The following NOP58 variants were observed in gnomAD, a reference collection of about 807,000 sequenced individuals.
NOP58 encodes the protein nucleolar protein 58.
NOP58 carries 44 observed loss-of-function variants against 71.2 expected under a neutral mutation model. That is an observed-to-expected ratio of 0.62 (90% CI 0.49 to 0.79). The LOEUF (loss-of-function observed/expected upper bound fraction) is 0.79. Ranked by LOEUF, NOP58 falls within the 30% of genes least tolerant of loss-of-function variation. The pLI is 0.00. For synonymous variants in NOP58, 228 were observed against 200.3 expected, an observed-to-expected ratio of 1.14 and a Z score of -1.17; for missense variants, 538 against 620.2, an observed-to-expected ratio of 0.87 and a Z score of 1.41.
rs534604222 is a variant in NOP58, at chr2:202,296,984, C to T, written c.1072-395C>T. Among the ~76,000 whole-genome samples the T allele has an allele frequency of 3.9e-5, 6 of 152,276 alleles. No homozygotes were observed. The South Asian group carries it at 1.2e-3, about 32-fold the overall frequency. ...TCCTGACCTCGTGATCCACTCGCCTCGGCCTCCCAAAGTGCTGGGATTACA... is the reference window on the plus strand; with the variant it reads ...TCCTGACCTCGTGATCCACTCGCCTTGGCCTCCCAAAGTGCTGGGATTACA... On this transcript the variant is annotated intron_variant, in intron 10 of 14. Coordinates refer to ENST00000264279, the MANE Select transcript of NOP58 (RefSeq NM_015934.5).
chr2:202,291,001 A>T (rs1252242452), intron 7 of NOP58, 124 bp from the exon 8 acceptor site: 2 of 825,322 alleles, frequency 2.4e-6, no homozygotes, highest in Non-Finnish European at 1.8e-6. Context: ...AAACTTCTTC[A>T]TTTTTTTTGT....
At chr2:202,294,684 G>T (rs752960453) in intron 9 of NOP58, among the ~76,000 whole-genome samples, 1 of 152,142 alleles carries the variant, frequency 6.6e-6, no homozygotes, top group Non-Finnish European at 1.5e-5. Flanking sequence ...TGCCAGCAGG[G>T]CCGGGTGTGG....
At chr2:202,268,325 G>C (rs768070121) in intron 1 of NOP58, among the ~76,000 whole-genome samples, 3 of 151,962 alleles carry the variant, frequency 2.0e-5, no homozygotes, top group Non-Finnish European at 4.4e-5. Flanking sequence ...ACAAGGTCAG[G>C]AGTTTGAGAC....
At chr2:202,278,066 T>C (rs1688636714) in intron 3 of NOP58, 64 bp downstream of exon 3, 1 of 1,011,094 alleles carries the variant, frequency 9.9e-7, no homozygotes. Context: ...TTGTTTTTCT[T>C]GTTTAAAAGG....
At chr2:202,291,044 C>T (rs1574385427) in intron 7 of NOP58, 81 bp from the exon 8 acceptor site, 1 of 1,292,396 alleles carries the variant, frequency 7.7e-7, no homozygotes, top group Non-Finnish European at 1.0e-6. Context: ...TGGCTTTCTA[C>T]TTTTTCTTTT....
chr2:202,299,249 C>T (rs879359518), intron 12 of NOP58, among the ~76,000 whole-genome samples: 17 of 152,096 alleles, frequency 1.1e-4, no homozygotes, highest in Non-Finnish European at 2.1e-4. Flanking sequence ...TGAGCCACAG[C>T]ACCCGGCCTC....
chr2:202,270,250 G>T (rs1341891357), intron 1 of NOP58, among the ~76,000 whole-genome samples: 1 of 152,180 alleles, frequency 6.6e-6, no homozygotes, highest in African/African-American at 2.4e-5. Flanking sequence ...GAAGTTTCAT[G>T]TAAGTGGAGT....
chr2:202,278,754 G>C (rs1370039922), intron 3 of NOP58, among the ~76,000 whole-genome samples: 1 of 152,180 alleles, frequency 6.6e-6, no homozygotes, highest in South Asian at 2.1e-4. Context: ...ATGAAGGACC[G>C]TGAGGAAGAA....
chr2:202,266,541 C>T (rs1487970093), intron 1 of NOP58, among the ~76,000 whole-genome samples: 2 of 152,130 alleles, frequency 1.3e-5, no homozygotes, highest in African/African-American at 4.8e-5. Flanking sequence ...GTCTTGAACT[C>T]CTGACCTCAA....
intron 8 of NOP58, chr2:202,291,511 A>C: frequency 3.4e-6 from 1 of 295,220 alleles, no homozygotes; most frequent in Non-Finnish European, 6.3e-6. Flanking sequence ...AAAATCAATT[A>C]AGATGGCAGA....
At chr2:202,302,789 TATAAA>T in intron 13 of NOP58, 127 bp from the exon 14 acceptor site, 1 of 1,281,078 alleles carries the variant, frequency 7.8e-7, no homozygotes, top group Non-Finnish European at 1.1e-6. Context: ...CCTTCCCAAT[TATAAA>T]ATAAACAAAA....
chr2:202,281,707 A>G (rs1413949914), intron 3 of NOP58, among the ~76,000 whole-genome samples: 1 of 152,230 alleles, frequency 6.6e-6, no homozygotes, highest in Non-Finnish European at 1.5e-5. Flanking sequence ...ACCTCAGTCA[A>G]ATGTCAGATA....
intron 1 of NOP58, among the ~76,000 whole-genome samples, chr2:202,271,532 G>A (rs1244587182): frequency 6.6e-6 from 1 of 151,726 alleles, no homozygotes; most frequent in Non-Finnish European, 1.5e-5. Flanking sequence ...ACGCCACTGC[G>A]GTCCAGCCTG....
At chr2:202,301,512 A>G (rs188203996) in intron 13 of NOP58, among the ~76,000 whole-genome samples, 31 of 152,234 alleles carry the variant, frequency 2.0e-4, no homozygotes, top group African/African-American at 6.5e-4. Flanking sequence ...TGACAATTCC[A>G]GTTGCTTTGG....
Position 202,293,175 on chromosome 2 carries a change from C to T in NOP58, c.907+272C>T, listed in dbSNP as rs748514696. ...AGAAGTTTGTTAGGGTTAATTAGAA[C>T]AATCGGATGAATGCAGGAGGATAAA... On this transcript the variant is annotated intron_variant, in intron 9 of 14. Transcript: ENST00000264279. The T allele has an allele frequency of 4.6e-5, 29 of 632,004 alleles. 1 individual carries two copies. Among genetic ancestry groups the T allele is most frequent in the South Asian group, 4.0e-4 (29 of 72,366 alleles). The allele number at this position is 632,004 out of a possible 1,614,324, so 39.1% of individuals were successfully genotyped here. A position where few individuals can be genotyped will look rare whatever the true frequency, so the allele number is the denominator to read the frequency against.
chr2:202,297,120 A>G (rs1199935551), intron 10 of NOP58, among the ~76,000 whole-genome samples: 2 of 152,230 alleles, frequency 1.3e-5, no homozygotes, highest in Non-Finnish European at 2.9e-5. Flanking sequence ...GTCACTGAGT[A>G]GAAACTAAAG....
At chr2:202,285,814 T>C (rs895734636) in intron 5 of NOP58, among the ~76,000 whole-genome samples, 1 of 152,220 alleles carries the variant, frequency 6.6e-6, no homozygotes, top group African/African-American at 2.4e-5. Flanking sequence ...GCTCAAAACC[T>C]GTGCAACTTT....
Position 202,277,999 on chromosome 2 carries a change from G to A in NOP58, c.172G>A (p.Ala58Thr). Residue 58 changes from alanine to threonine, a missense_variant, in exon 3 of 15, where the codon GCA (alanine) becomes ACA (threonine). Ala to Thr is a moderately conservative substitution (Grantham distance 58). Coordinates refer to ENST00000264279, the MANE Select transcript of NOP58 (RefSeq NM_015934.5). ...ATTTCAGGATACAGCAGAAGCATTA[G>A]CAGGTAAAGTAAAAAATTAGAAGCT... ...EKFQDTAEAL[A>T]AFTALMEGKI... 6.5e-7 allele frequency: 1 copy of A among 1,544,052 alleles called. No homozygotes were observed. The highest frequency in any genetic ancestry group is 1.2e-5 in the South Asian group (1 of 86,256).
intron 3 of NOP58, among the ~76,000 whole-genome samples, chr2:202,278,717 C>G (rs1688650441): frequency 6.6e-6 from 1 of 152,114 alleles, no homozygotes; most frequent in Admixed American, 6.6e-5. Flanking sequence ...CACAAATCAG[C>G]CAACTATTTG....
Sources: allele counts gnomAD v4.1 joint callset (sites outside exome capture counted in the v4.1 genomes callset), GRCh38; gene constraint gnomAD v4.1.1; transcripts MANE v1.5; gene names NCBI Gene and HGNC (gene_info 2026-07-23, HGNC 2026-07-21).